The following DNAI4 variants were observed in gnomAD, a reference collection of about 807,000 sequenced individuals.
DNAI4 encodes the protein WD repeat domain 78.
DNAI4 carries 85 observed loss-of-function variants against 105.8 expected under a neutral mutation model. The ratio of observed to expected loss-of-function variants is 0.80; its 90% confidence interval spans 0.67 to 0.96. DNAI4 has a LOEUF of 0.96. Among genes scored for constraint, DNAI4 ranks in the 40% least tolerant of loss-of-function variants. DNAI4 has a pLI of 0.00. For synonymous variants in DNAI4, 352 were observed against 331.5 expected (o/e 1.06, Z -0.67); for missense variants, 1,014 against 1,005.6 (o/e 1.01, Z -0.11).
rs113124310 is a variant in DNAI4 at position 66,884,060 on chromosome 1, T to A, written c.643+7094A>T. Reference sequence around the variant, plus strand: ...GATCAATTGTCTTAGATTCCACATATAACTGAGAACATGTAGTATTTGTCT... The same window carrying A: ...GATCAATTGTCTTAGATTCCACATAAAACTGAGAACATGTAGTATTTGTCT... On this transcript the variant is annotated intron_variant, in intron 4 of 16. Transcript: ENST00000371026. 8.8e-3 allele frequency among the ~76,000 whole-genome samples: 1,335 copies of A among 152,348 alleles called. 17 individuals are homozygous for A. Among genetic ancestry groups the A allele is most frequent in the African/African-American group, 0.03 (1,246 of 41,586 alleles).
intron 9 of DNAI4, among the ~76,000 whole-genome samples, chr1:66,839,141 C>A (rs1646092981): frequency 6.6e-6 from 1 of 151,874 alleles, no homozygotes; most frequent in Non-Finnish European, 1.5e-5. Context: ...CTATTAAATC[C>A]TATTTACAGG....
Position 66,847,473 on chromosome 1 carries a change from T to G in DNAI4, c.1291+11A>C, listed in dbSNP as rs1251437746. The G allele has an allele frequency of 1.2e-6, 2 of 1,609,184 alleles. No individual in the cohort carries two copies. Among genetic ancestry groups the G allele is most frequent in the East Asian group, 2.2e-5 (1 of 44,782 alleles). On this transcript the variant is annotated intron_variant, in intron 8 of 16. Transcript: ENST00000371026. ...GCACCCAGCCTAAACATGTTTATTT[T>G]TTTTAAATACCTTTTAAAACAGGAA... is the stretch of plus-strand genomic sequence containing the variant.
chr1:66,822,913 T>G (rs1426760708), intron 15 of DNAI4, among the ~76,000 whole-genome samples: 1 of 151,954 alleles, frequency 6.6e-6, no homozygotes, highest in Admixed American at 6.6e-5. Flanking sequence ...ATTTATTTAT[T>G]TATTATTATT....
At chr1:66,901,170 T>G (rs972136047) in intron 2 of DNAI4, among the ~76,000 whole-genome samples, 1 of 152,246 alleles carries the variant, frequency 6.6e-6, no homozygotes, top group Non-Finnish European at 1.5e-5. Flanking sequence ...ATTTTCTCTA[T>G]TGTTTTTCTA....
At position 66,862,244 on chromosome 1, in the gene DNAI4, A is replaced by G. The variant is rs1557935733; in HGVS notation, c.999T>C (p.Ser333=). The part of the protein sequence containing the change: ...YDSYNAMELV[S]LSVKQSVVES... Reference sequence around the variant, plus strand: ...CAACCACAGATTGTTTTACTGATAAAGATACAAGTTCCATAGCATTGTAAG... The same window carrying G: ...CAACCACAGATTGTTTTACTGATAAGGATACAAGTTCCATAGCATTGTAAG... Residue 333 remains serine, a synonymous_variant, in exon 7 of 17, where the codon TCT becomes TCC. Coordinates refer to ENST00000371026, the MANE Select transcript of DNAI4 (RefSeq NM_024763.5). 1.9e-6 allele frequency: 3 copies of G among 1,611,494 alleles called. No individual in the cohort carries two copies. The highest frequency in any genetic ancestry group is 2.2e-5 in the East Asian group (1 of 44,736).
At chr1:66,818,632 A>G (rs1360799231) in intron 16 of DNAI4, among the ~76,000 whole-genome samples, 1 of 152,166 alleles carries the variant, frequency 6.6e-6, no homozygotes, top group Admixed American at 6.5e-5. Flanking sequence ...AATAAGAAAT[A>G]AATTGGCCAG....
At chr1:66,874,234 C>T (rs1174048039) in intron 5 of DNAI4, among the ~76,000 whole-genome samples, 1 of 152,028 alleles carries the variant, frequency 6.6e-6, no homozygotes, top group Non-Finnish European at 1.5e-5. Flanking sequence ...ATCTGCCTAA[C>T]AACAGACTGT....
At chr1:66,838,001 T>C (rs143053084) in intron 9 of DNAI4, among the ~76,000 whole-genome samples, 3,062 of 152,272 alleles carry the variant, frequency 0.02, 43 homozygotes, top group Non-Finnish European at 0.032. Context: ...ATGCTTCTCA[T>C]TTGCAGGCTG....
intron 1 of DNAI4, among the ~76,000 whole-genome samples, chr1:66,908,661 T>G (rs1417681182): frequency 6.6e-6 from 1 of 152,204 alleles, no homozygotes; most frequent in Non-Finnish European, 1.5e-5. Context: ...ACACTATATT[T>G]TAACTCAACC....
chr1:66,901,919 CT>C (rs1193939548), intron 2 of DNAI4, among the ~76,000 whole-genome samples: 2 of 152,152 alleles, frequency 1.3e-5, no homozygotes, highest in Non-Finnish European at 2.9e-5. Flanking sequence ...GCATCTAGGA[CT>C]ACAGGCTTTT....
chr1:66,924,633 G>A (rs1651007330), intron 1 of DNAI4, 29 bp downstream of exon 1: 7 of 1,614,230 alleles, frequency 4.3e-6, no homozygotes, highest in East Asian at 4.5e-5. Context: ...CCAGGGGGAT[G>A]GACTACGGTT....
At chr1:66,852,993 C>T (rs1646427762) in intron 7 of DNAI4, among the ~76,000 whole-genome samples, 1 of 152,172 alleles carries the variant, frequency 6.6e-6, no homozygotes, top group South Asian at 2.1e-4. Flanking sequence ...CTCTCTCAGT[C>T]AAGTAGCTAA....
intron 4 of DNAI4, among the ~76,000 whole-genome samples, chr1:66,883,633 T>G (rs998446308): frequency 1.3e-5 from 2 of 152,200 alleles, no homozygotes; most frequent in Non-Finnish European, 2.9e-5. Flanking sequence ...TCATTTTGCC[T>G]GTGACATAAT....
intron 1 of DNAI4, among the ~76,000 whole-genome samples, chr1:66,918,753 A>G (rs1027798672): frequency 6.6e-6 from 1 of 152,146 alleles, no homozygotes; most frequent in Non-Finnish European, 1.5e-5. Flanking sequence ...AAAACCTGAG[A>G]CCAGAGACTC....
intron 1 of DNAI4, among the ~76,000 whole-genome samples, chr1:66,920,550 GGAGT>G (rs1383550124): frequency 6.6e-6 from 1 of 152,086 alleles, no homozygotes; most frequent in Non-Finnish European, 1.5e-5. Context: ...ATACTGTTGG[GGAGT>G]GAGTATGTAG....
chr1:66,895,384 C>A (rs561757540), intron 2 of DNAI4, among the ~76,000 whole-genome samples: 3 of 152,150 alleles, frequency 2.0e-5, no homozygotes, highest in Admixed American at 2.0e-4. Flanking sequence ...AAGAGGACTG[C>A]TTAAGCCCAG....
intron 2 of DNAI4, among the ~76,000 whole-genome samples, chr1:66,897,290 G>C (rs1648415142): frequency 1.3e-5 from 2 of 152,308 alleles, no homozygotes; most frequent in Admixed American, 1.3e-4. Flanking sequence ...TGTTCAAGAT[G>C]CTGCATGGTT....
At chr1:66,849,452 A>G (rs1376232580) in intron 7 of DNAI4, among the ~76,000 whole-genome samples, 1 of 152,190 alleles carries the variant, frequency 6.6e-6, no homozygotes, top group Non-Finnish European at 1.5e-5. Context: ...GCTAAAATGG[A>G]AGTTTAGAAA....
At chr1:66,921,928 ACT>A (rs1186785612) in intron 1 of DNAI4, among the ~76,000 whole-genome samples, 1 of 143,972 alleles carries the variant, frequency 6.9e-6, no homozygotes, top group Non-Finnish European at 1.5e-5. Context: ...GTGGAATCTC[ACT>A]CTGTCGACCA....
Sources: gnomAD v4.1 joint callset for allele counts (sites outside exome capture counted in the v4.1 genomes callset) on GRCh38, gnomAD v4.1.1 for gene constraint, MANE v1.5 for transcripts, NCBI Gene and HGNC (gene_info 2026-07-23, HGNC 2026-07-21) for gene names.